The following PMP22 variants were observed in gnomAD, a reference collection of about 807,000 sequenced individuals.
The protein encoded by PMP22 is peripheral myelin protein 22, also known as Charcot-Marie-Tooth neuropathy 1A (greatly reduced nerve conduction velocity, hereditary motor sensory neuropathy Ia).
Under a neutral mutation model 18.9 loss-of-function variants are expected in PMP22, and 2 were observed. The ratio of observed to expected loss-of-function variants is 0.11; its 90% CI spans 0.04 to 0.33. The LOEUF is 0.33. Ranked by LOEUF, PMP22 falls within the 10% of genes least tolerant of loss-of-function variation. The probability of loss-of-function intolerance (pLI) is 1.00; values close to 1 mark genes in which losing one functional copy is unlikely to be tolerated. For synonymous variants in PMP22, 95 were observed against 89.2 expected (o/e 1.07, Z -0.37); for missense variants, 169 against 202.2 (o/e 0.84, Z 1.00).
At chr17:15,256,734 G>A (rs925739406) in intron 3 of PMP22, among the ~76,000 whole-genome samples, 7 of 151,912 alleles carry the variant, frequency 4.6e-5, no homozygotes, top group African/African-American at 1.5e-4. Flanking sequence ...TAAATGGTTC[G>A]CAATGAGCAT....
intron 4 of PMP22, among the ~76,000 whole-genome samples, chr17:15,232,164 C>T (rs1360759706): frequency 6.6e-6 from 1 of 151,708 alleles, no homozygotes; most frequent in Non-Finnish European, 1.5e-5. Flanking sequence ...TCTAACCTCA[C>T]TGCTATTTGG....
intron 4 of PMP22, among the ~76,000 whole-genome samples, chr17:15,233,939 G>A (rs1247229823): frequency 2.0e-5 from 3 of 152,156 alleles, no homozygotes; most frequent in Admixed American, 1.3e-4. Context: ...AGGAAGCTGT[G>A]ATGAGAAGCC....
At chr17:15,259,938 C>CAAAAAAAAAAAAAAA (rs61415317) in intron 2 of PMP22, among the ~76,000 whole-genome samples, 2 of 97,856 alleles carry the variant, frequency 2.0e-5, no homozygotes, top group Non-Finnish European at 4.4e-5. Flanking sequence ...GACTCCATCT[C>CAAAAAAAAAAAAAAA]AAAAAAAAAA....
At chr17:15,242,483 A>G (rs1205121938) in intron 3 of PMP22, among the ~76,000 whole-genome samples, 2 of 152,162 alleles carry the variant, frequency 1.3e-5, no homozygotes, top group Admixed American at 6.5e-5. Context: ...GATTTGGTTT[A>G]TTTGATCTTT....
At chr17:15,236,090 C>T (rs1906785267) in intron 4 of PMP22, among the ~76,000 whole-genome samples, 1 of 150,760 alleles carries the variant, frequency 6.6e-6, no homozygotes, top group Non-Finnish European at 1.5e-5. Context: ...TAAAGGACCT[C>T]AGGTGATTCT....
intron 1 of PMP22, among the ~76,000 whole-genome samples, chr17:15,264,950 C>T (rs925244330): frequency 6.6e-6 from 1 of 152,116 alleles, no homozygotes; most frequent in Non-Finnish European, 1.5e-5. Flanking sequence ...TCAGATGGCC[C>T]CCCACCTCCC....
chr17:15,260,015 G>A (rs1248030797), intron 2 of PMP22, among the ~76,000 whole-genome samples: 1 of 151,064 alleles, frequency 6.6e-6, no homozygotes, highest in African/African-American at 2.4e-5. Flanking sequence ...CTTAAATTAA[G>A]AAGTGAAAGC....
At chr17:15,259,712 T>A (rs1286608008) in intron 2 of PMP22, among the ~76,000 whole-genome samples, 2 of 149,540 alleles carry the variant, frequency 1.3e-5, no homozygotes. Context: ...GAGGCAGAGG[T>A]GGGCGGATCA....
intron 3 of PMP22, among the ~76,000 whole-genome samples, chr17:15,252,027 A>T (rs1908399893): frequency 1.3e-5 from 2 of 152,110 alleles, no homozygotes. Flanking sequence ...CCAGGGTCTC[A>T]GCATCTCATA....
chr17:15,259,929 A>G (rs2150708685), intron 2 of PMP22, among the ~76,000 whole-genome samples: 1 of 133,054 alleles, frequency 7.5e-6, no homozygotes, highest in East Asian at 2.2e-4. Flanking sequence ...CAGGCTGGAG[A>G]CTCCATCTCA....
At chr17:15,239,705 C>G (rs988145417) in intron 3 of PMP22, 94 bp from the exon 4 acceptor site, 18 of 1,206,414 alleles carry the variant, frequency 1.5e-5, no homozygotes, top group African/African-American at 6.0e-5. Flanking sequence ...TGACTGCTGA[C>G]AGCACAGTCC....
intron 1 of PMP22, chr17:15,262,458 A>T (rs1189144309): frequency 6.6e-6 from 1 of 152,224 alleles, no homozygotes; most frequent in Non-Finnish European, 1.5e-5. Flanking sequence ...CCCGATCCTC[A>T]GGGTGGCCTC....
In PMP22 at chr17:15,258,922, G is replaced by C. The variant is rs768915617; in HGVS notation, c.178+172C>G. On this transcript the variant is annotated intron_variant, in intron 3 of 4. Coordinates refer to ENST00000312280, the MANE Select transcript of PMP22 (RefSeq NM_000304.4). The surrounding 1 kb of genome is among the most constrained non-coding windows in gnomAD (Gnocchi z 4.1). ...TGCCCAGGATCTCAGCTTCCCCAGC[G>C]AGATCACCACCCCTCCCATTTTCCC... 1.0e-5 allele frequency: 7 copies of C among 679,568 alleles called. No individual in the cohort carries two copies. The Admixed American group carries it at 1.4e-4, about 14-fold the overall frequency. 42.1% of individuals were successfully genotyped at this position (679,568 alleles called of 1,614,324 possible).
chr17:15,250,230 T>A (rs1395265149), intron 3 of PMP22, among the ~76,000 whole-genome samples: 1 of 152,154 alleles, frequency 6.6e-6, no homozygotes, highest in African/African-American at 2.4e-5. Context: ...GGTAATTTCT[T>A]AAGTGACAAT....
chr17:15,237,956 G>A (rs1345667423), intron 4 of PMP22, among the ~76,000 whole-genome samples: 1 of 151,120 alleles, frequency 6.6e-6, no homozygotes. Flanking sequence ...TGATGCAATG[G>A]ATATGATCAT....
At chr17:15,242,810 T>C (rs1463875895) in intron 3 of PMP22, among the ~76,000 whole-genome samples, 1 of 152,146 alleles carries the variant, frequency 6.6e-6, no homozygotes, top group Non-Finnish European at 1.5e-5. Flanking sequence ...CAACAAAGAA[T>C]ATCTCAATAA....
intron 3 of PMP22, among the ~76,000 whole-genome samples, chr17:15,256,970 T>C (rs1908890555): frequency 6.6e-6 from 1 of 151,914 alleles, no homozygotes; most frequent in Non-Finnish European, 1.5e-5. Flanking sequence ...CTGAGTGGCG[T>C]GAAAACAAAC....
rs1462092775 is a variant in PMP22 at position 15,258,072 on chromosome 17, G to T, written c.178+1022C>A. On this transcript the variant is annotated intron_variant, in intron 3 of 4. Coordinates refer to ENST00000312280, the MANE Select transcript of PMP22 (RefSeq NM_000304.4). This position sits in a 1 kb window ranked among gnomAD's most constrained non-coding sequence, Gnocchi z 4.1. ...GTTTTACTGAACTGGATCTAAACTGGTTTCTCTCGTCTGGTGTAGCATCTT... is the reference window on the plus strand; with the variant it reads ...GTTTTACTGAACTGGATCTAAACTGTTTTCTCTCGTCTGGTGTAGCATCTT... Among the ~76,000 whole-genome samples the T allele has an allele frequency of 6.6e-6, 1 of 152,120 alleles. No homozygotes were observed. Among genetic ancestry groups the T allele is most frequent in the Non-Finnish European group, 1.5e-5 (1 of 68,022 alleles).
chr17:15,252,375 T>A (rs1006824805), intron 3 of PMP22, among the ~76,000 whole-genome samples: 1 of 152,132 alleles, frequency 6.6e-6, no homozygotes, highest in Non-Finnish European at 1.5e-5. Flanking sequence ...ACACAACCTA[T>A]TGATAGTCAT....
Sources: allele counts gnomAD v4.1 joint callset (sites outside exome capture counted in the v4.1 genomes callset), GRCh38; gene constraint gnomAD v4.1.1; non-coding constraint Gnocchi (gnomAD v3.1); transcripts MANE v1.5; gene names NCBI Gene and HGNC (gene_info 2026-07-23, HGNC 2026-07-21).